The following TNPO1 variants were observed in gnomAD, a reference collection of about 807,000 sequenced individuals.
TNPO1 encodes transportin-1.
TNPO1 carries 8 observed loss-of-function variants against 119.5 expected under a neutral mutation model. The ratio of observed to expected loss-of-function variants is 0.07; its 90% CI spans 0.04 to 0.12. The LOEUF (loss-of-function observed/expected upper bound fraction) is 0.12, where lower values mean the gene tolerates loss of function less well. Ranked by LOEUF, TNPO1 falls within the 10% of genes least tolerant of loss-of-function variation. The pLI is 1.00. For missense variants in TNPO1, 576 were observed against 1,089.8 expected (o/e 0.53, Z 6.64); for synonymous variants, 362 against 363.0 (o/e 1.00, Z 0.03).
chr5:72,857,762 A>G (rs1026078440), intron 4 of TNPO1, among the ~76,000 whole-genome samples: 6 of 152,218 alleles, frequency 3.9e-5, no homozygotes, highest in African/African-American at 1.4e-4. Context: ...TTTAAGTGCC[A>G]TTTGGTTCAA....
At chr5:72,874,173 G>A (rs1267646956) in intron 7 of TNPO1, among the ~76,000 whole-genome samples, 1 of 152,058 alleles carries the variant, frequency 6.6e-6, no homozygotes, top group Non-Finnish European at 1.5e-5. Context: ...AGTCCTACAG[G>A]ATTTAGCCAA....
At chr5:72,831,512 T>A (rs913223376) in intron 1 of TNPO1, among the ~76,000 whole-genome samples, 19 of 151,984 alleles carry the variant, frequency 1.3e-4, no homozygotes, top group African/African-American at 4.6e-4. Flanking sequence ...TTTTGTAGCA[T>A]TTAAATGTCA....
intron 1 of TNPO1, among the ~76,000 whole-genome samples, chr5:72,827,475 G>T (rs1744255615): frequency 6.6e-6 from 1 of 152,162 alleles, no homozygotes; most frequent in Admixed American, 6.5e-5. Flanking sequence ...ATGGACTAGG[G>T]TAGACAGCAG....
At position 72,851,271 on chromosome 5, in the gene TNPO1, G is replaced by A; in HGVS notation, c.157G>A (p.Asp53Asn). 6.2e-7 allele frequency: 1 copy of A among 1,602,468 alleles called. No homozygotes were observed. Among genetic ancestry groups the A allele is most frequent in the Non-Finnish European group, 8.5e-7 (1 of 1,171,810 alleles). Residue 53 changes from aspartate to asparagine, a missense_variant, in exon 3 of 25, where the codon GAC becomes AAC. Asp to Asn is a conservative substitution (Grantham distance 23). Transcript: ENST00000337273. ...QKLEQLNQYP[D>N]FNNYLIFVLT... ...ACTGGAACAACTTAATCAGTATCCAGACTTTAACAACTACTTGATTTTTGT... is the reference window on the plus strand; with the variant it reads ...ACTGGAACAACTTAATCAGTATCCAAACTTTAACAACTACTTGATTTTTGT...
intron 9 of TNPO1, among the ~76,000 whole-genome samples, chr5:72,877,742 C>G (rs980956890): frequency 6.6e-6 from 1 of 151,858 alleles, no homozygotes; most frequent in Non-Finnish European, 1.5e-5. Context: ...TAATGTTAAG[C>G]CCATTTTTCT....
At chr5:72,848,915 G>A (rs1195095551) in intron 2 of TNPO1, among the ~76,000 whole-genome samples, 1 of 151,728 alleles carries the variant, frequency 6.6e-6, no homozygotes, top group African/African-American at 2.4e-5. Flanking sequence ...GTGGCAGGCC[G>A]AGCGGGAGGC....
In TNPO1 at chr5:72,902,716, T is replaced by C. The variant is rs115316924; in HGVS notation, c.2515-993T>C. On this transcript the variant is annotated intron_variant, in intron 22 of 24. Coordinates refer to ENST00000337273, the MANE Select transcript of TNPO1 (RefSeq NM_002270.4). The stretch of plus-strand genomic sequence containing the variant: ...ACCAACTTAAGAGTTGGTAGAAATT[T>C]CTGTTTTATAACTTTTATTCACATA... Among the ~76,000 whole-genome samples the C allele has an allele frequency of 5.9e-3, 900 of 152,284 alleles. 9 individuals carry two copies. The highest frequency in any genetic ancestry group is 0.021 in the African/African-American group (856 of 41,588).
At chr5:72,854,316 G>A (rs533640219) in intron 3 of TNPO1, among the ~76,000 whole-genome samples, 1 of 152,316 alleles carries the variant, frequency 6.6e-6, no homozygotes, top group Admixed American at 6.5e-5. Context: ...GTTTTATAGT[G>A]CTGTGATGAC....
At chr5:72,902,280 C>G (rs967975269) in intron 22 of TNPO1, among the ~76,000 whole-genome samples, 1 of 151,980 alleles carries the variant, frequency 6.6e-6, no homozygotes, top group African/African-American at 2.4e-5. Context: ...TTTGATGTTT[C>G]CTAGCTCGTA....
At chr5:72,899,937 C>G in intron 20 of TNPO1, 69 bp from the exon 21 acceptor site, 13 of 1,202,906 alleles carry the variant, frequency 1.1e-5, no homozygotes, top group East Asian at 2.3e-5. Flanking sequence ...TATTTTTTCT[C>G]CTTCCCCCTC....
chr5:72,893,790 G>A, intron 18 of TNPO1, 87 bp downstream of exon 18: 1 of 1,211,262 alleles, frequency 8.3e-7, no homozygotes, highest in South Asian at 1.3e-5. Flanking sequence ...AACTGAAATT[G>A]CATGGAATCC....
intron 15 of TNPO1, 37 bp from the exon 16 acceptor site, chr5:72,893,102 C>A: frequency 6.7e-7 from 1 of 1,500,486 alleles, no homozygotes; most frequent in Non-Finnish European, 9.2e-7. Context: ...CTTCAGTATA[C>A]CCAGAAAGTT....
chr5:72,908,427 G>A (rs1299888372), intron 24 of TNPO1, among the ~76,000 whole-genome samples: 6 of 152,082 alleles, frequency 3.9e-5, no homozygotes, highest in Non-Finnish European at 7.4e-5. Context: ...AGCATCATAC[G>A]AGGCATATTT....
At chr5:72,869,831 T>C (rs1241462070) in intron 6 of TNPO1, among the ~76,000 whole-genome samples, 1 of 152,218 alleles carries the variant, frequency 6.6e-6, no homozygotes, top group African/African-American at 2.4e-5. Flanking sequence ...AAATTGATAT[T>C]GATTATGAAT....
chr5:72,817,169 C>A (rs1235368327), intron 1 of TNPO1, among the ~76,000 whole-genome samples: 1 of 152,218 alleles, frequency 6.6e-6, no homozygotes, highest in Non-Finnish European at 1.5e-5. Flanking sequence ...CGGCGCTGCC[C>A]GAGATGGGCC....
intron 18 of TNPO1, among the ~76,000 whole-genome samples, chr5:72,894,355 C>A (rs1189976193): frequency 1.3e-5 from 2 of 151,976 alleles, no homozygotes; most frequent in African/African-American, 4.8e-5. Flanking sequence ...CCCTTTTCTG[C>A]ATCTCAGCAT....
rs182306974 is a variant in TNPO1, at chr5:72,845,821, A to G, written c.16-2564A>G. Among the ~76,000 whole-genome samples the G allele has an allele frequency of 1.6e-3, 246 of 152,140 alleles. 1 individual carries two copies. Among genetic ancestry groups the G allele is most frequent in the African/African-American group, 5.9e-3 (243 of 41,484 alleles). ...CCTCAGGATGGATGTGATAATGAAG[A>G]TGCCTTTCAGACTTGACTGCTATTG... is the stretch of plus-strand genomic sequence containing the variant. On this transcript the variant is annotated intron_variant, in intron 1 of 24. Coordinates refer to ENST00000337273, the MANE Select transcript of TNPO1 (RefSeq NM_002270.4).
intron 5 of TNPO1, among the ~76,000 whole-genome samples, chr5:72,864,623 T>C (rs1327037602): frequency 6.6e-6 from 1 of 152,208 alleles, no homozygotes; most frequent in East Asian, 1.9e-4. Flanking sequence ...TTTTTCCTTT[T>C]TTTGAGACAG....
intron 1 of TNPO1, among the ~76,000 whole-genome samples, chr5:72,833,121 C>T (rs1744549836): frequency 1.3e-5 from 2 of 152,258 alleles, no homozygotes; most frequent in South Asian, 2.1e-4. Context: ...AAATAAACCT[C>T]CCCTTTTCTC....
Sources: allele counts gnomAD v4.1 joint callset (sites outside exome capture counted in the v4.1 genomes callset), GRCh38; gene constraint gnomAD v4.1.1; transcripts MANE v1.5; gene names NCBI Gene and HGNC (gene_info 2026-07-23, HGNC 2026-07-21).